CAPZB: variants seen among roughly 807,000 people sequenced by gnomAD.
CAPZB encodes the protein capping actin protein of muscle Z-line subunit beta, also known as F-actin-capping protein subunit beta.
In CAPZB, 2 loss-of-function variants were observed where a neutral mutation model predicts 38.1. The observed-to-expected ratio is 0.05, with a 90% CI of 0.02 to 0.17. The LOEUF is 0.17. Ranked by LOEUF, CAPZB falls within the 10% of genes least tolerant of loss-of-function variation. CAPZB has a pLI of 1.00. For synonymous variants in CAPZB, 107 were observed against 127.4 expected (o/e 0.84, Z 1.08); for missense variants, 161 against 334.2 (o/e 0.48, Z 4.04).
chr1:19,396,418 T>C (rs1558222469), intron 2 of CAPZB, among the ~76,000 whole-genome samples: 1 of 152,188 alleles, frequency 6.6e-6, no homozygotes, highest in Non-Finnish European at 1.5e-5. Context: ...TTGACGTGGA[T>C]GGCATTTCAT....
At chr1:19,468,037 A>G (rs1311164451) in intron 1 of CAPZB, among the ~76,000 whole-genome samples, 1 of 152,148 alleles carries the variant, frequency 6.6e-6, no homozygotes, top group Non-Finnish European at 1.5e-5. Context: ...CAGGAGTCCA[A>G]GGCTGCTGTG....
At chr1:19,359,629 C>T (rs898532322) in intron 4 of CAPZB, among the ~76,000 whole-genome samples, 2 of 152,238 alleles carry the variant, frequency 1.3e-5, no homozygotes, top group African/African-American at 4.8e-5. Context: ...GTCTGGCTAA[C>T]CAAGTGTCAC....
At chr1:19,452,796 T>C (rs77192825) in intron 1 of CAPZB, among the ~76,000 whole-genome samples, 5 of 140,252 alleles carry the variant, frequency 3.6e-5, no homozygotes, top group African/African-American at 1.4e-4. Flanking sequence ...TTTCTTTCTT[T>C]TTTTTTTTTT....
chr1:19,406,178 C>T (rs2094331065), intron 2 of CAPZB, among the ~76,000 whole-genome samples: 3 of 152,192 alleles, frequency 2.0e-5, no homozygotes, highest in Admixed American at 2.0e-4. Context: ...CAGTGAGGGC[C>T]AATGACCCAA....
intron 2 of CAPZB, among the ~76,000 whole-genome samples, chr1:19,418,749 CAT>C (rs1213958131): frequency 7.2e-5 from 11 of 152,176 alleles, no homozygotes; most frequent in Non-Finnish European, 1.5e-4. Flanking sequence ...TCCTAGCAGT[CAT>C]ATATTTTTCC....
At chr1:19,453,500 A>G (rs2094523342) in intron 1 of CAPZB, among the ~76,000 whole-genome samples, 1 of 152,102 alleles carries the variant, frequency 6.6e-6, no homozygotes, top group Admixed American at 6.5e-5. Context: ...ACCTCAGGTG[A>G]TCTACCTGCC....
chr1:19,424,558 G>A (rs1171743654), intron 1 of CAPZB: 2 of 152,514 alleles, frequency 1.3e-5, no homozygotes, highest in African/African-American at 2.4e-5. Flanking sequence ...GTTGCCTAAG[G>A]AGGGGTGAAC....
rs192651853 is a variant in CAPZB, at chr1:19,471,705, A to G, written c.3+13731T>C. The stretch of plus-strand genomic sequence containing the variant: ...CGGTGAAACCCCGTCTCTACTAAAA[A>G]TACCAAAAAAAATTAGCCAGGCGTG... On this transcript the variant is annotated intron_variant, in intron 1 of 8. Transcript: ENST00000264202. Among the ~76,000 whole-genome samples the G allele has an allele frequency of 9.2e-5, 14 of 152,202 alleles. No homozygotes were observed. The East Asian group carries it at 2.7e-3, about 29-fold the overall frequency.
intron 4 of CAPZB, among the ~76,000 whole-genome samples, chr1:19,366,283 A>AATAAATAAATATATATATATATATAT (rs71008151): frequency 2.0e-4 from 12 of 60,502 alleles, no homozygotes; most frequent in Non-Finnish European, 2.8e-4. Context: ...CGTGTCTTAA[A>AATAAATAAATATATATATATATATAT]ATATATATAT....
chr1:19,356,728 G>A lies in CAPZB; in HGVS notation c.495C>T (p.Ala165=), dbSNP rs1258596890. ...EVQEKSSGRT[A]HYKLTSTVML... Reference sequence around the variant, plus strand: ...TCACCGTGGAGGTCAACTTGTAATGGGCGGTGCGACCGCTGGATTTCTCCT... The same window carrying A: ...TCACCGTGGAGGTCAACTTGTAATGAGCGGTGCGACCGCTGGATTTCTCCT... Residue 165 remains alanine, a synonymous_variant, in exon 6 of 9, where the codon GCC becomes GCT. Transcript: ENST00000264202. This position sits in a 1 kb window ranked among gnomAD's most constrained non-coding sequence, Gnocchi z 4.3. The A allele has an allele frequency of 6.2e-7, 1 of 1,613,912 alleles. No individual in the cohort carries two copies. The highest frequency in any genetic ancestry group is 8.5e-7 in the Non-Finnish European group (1 of 1,179,798).
chr1:19,392,120 T>A (rs1057076014), intron 2 of CAPZB, among the ~76,000 whole-genome samples: 1 of 150,366 alleles, frequency 6.7e-6, no homozygotes, highest in Non-Finnish European at 1.5e-5. Flanking sequence ...GAGATAGAGG[T>A]TGCCGTGAGC....
chr1:19,361,557 G>A (rs755388208), intron 4 of CAPZB, among the ~76,000 whole-genome samples: 1 of 152,254 alleles, frequency 6.6e-6, no homozygotes, highest in Non-Finnish European at 1.5e-5. Flanking sequence ...CACAGACAGC[G>A]CCCCCGCTAC....
At chr1:19,349,495 C>G (rs1231234309) in intron 6 of CAPZB, among the ~76,000 whole-genome samples, 3 of 152,316 alleles carry the variant, frequency 2.0e-5, no homozygotes, top group Non-Finnish European at 2.9e-5. Context: ...CAAAGAGAGG[C>G]CGCGGCCATC....
rs528617668 is a variant in CAPZB, at chr1:19,383,446, C to CAAAAAAA, written c.215+2052_215+2058dup. On this transcript the variant is annotated intron_variant, in intron 3 of 8. Transcript: ENST00000264202. ...TGGACAACAGAGTGAGACTCTGTCT[C>CAAAAAAA]AAAAAAAAAAAAAAAAAAAATTAGC... Among the ~76,000 whole-genome samples, 291 of 118,030 alleles carry CAAAAAAA rather than the reference C, an allele frequency of 2.5e-3. 2 individuals carry two copies. Among genetic ancestry groups the CAAAAAAA allele is most frequent in the East Asian group, 0.024 (92 of 3,850 alleles). 77.4% of individuals were successfully genotyped at this position (118,030 alleles called of 152,430 possible). A position where few individuals can be genotyped will look rare whatever the true frequency, so the allele number is the denominator to read the frequency against.
intron 1 of CAPZB, among the ~76,000 whole-genome samples, chr1:19,481,914 G>T (rs1178254783): frequency 1.3e-5 from 2 of 152,226 alleles, no homozygotes; most frequent in East Asian, 3.8e-4. Flanking sequence ...TGAGGGCAGA[G>T]ATCCTTGTCT....
chr1:19,448,506 A>C (rs912318155), intron 1 of CAPZB, among the ~76,000 whole-genome samples: 3 of 152,214 alleles, frequency 2.0e-5, no homozygotes, highest in Non-Finnish European at 2.9e-5. Flanking sequence ...GCAGAAACAA[A>C]CCTGGTTGCA....
At chr1:19,414,321 G>T (rs1423542751) in intron 2 of CAPZB, among the ~76,000 whole-genome samples, 1 of 152,192 alleles carries the variant, frequency 6.6e-6, no homozygotes, top group Non-Finnish European at 1.5e-5. Context: ...TTTCTAGAGG[G>T]CTGCTCTGGC....
chr1:19,420,042 C>A, intron 1 of CAPZB: 1 of 360,002 alleles, frequency 2.8e-6, no homozygotes, highest in Non-Finnish European at 5.1e-6. Flanking sequence ...CCTGCTCCTG[C>A]TCAACAGGCC....
intron 1 of CAPZB, among the ~76,000 whole-genome samples, chr1:19,457,406 G>T (rs937646991): frequency 2.0e-5 from 3 of 152,176 alleles, no homozygotes; most frequent in East Asian, 3.8e-4. Context: ...TGGCGCACAG[G>T]CTGGCTCAGA....
Sources: gnomAD v4.1 joint callset for allele counts (sites outside exome capture counted in the v4.1 genomes callset) on GRCh38, gnomAD v4.1.1 for gene constraint, Gnocchi (gnomAD v3.1) non-coding constraint, MANE v1.5 for transcripts, NCBI Gene and HGNC (gene_info 2026-07-23, HGNC 2026-07-21) for gene names.